EBF2: variants seen among roughly 807,000 people sequenced by gnomAD.
The protein encoded by EBF2 is EBF transcription factor 2.
In EBF2, 21 loss-of-function variants were observed where a neutral mutation model predicts 72.8. The observed-to-expected ratio is 0.29, with a 90% CI of 0.20 to 0.42. The LOEUF (loss-of-function observed/expected upper bound fraction) is 0.42. Among genes scored for constraint, EBF2 ranks in the 10% least tolerant of loss-of-function variants. The pLI is 1.00. For synonymous variants in EBF2, 299 were observed against 274.2 expected (o/e 1.09, Z -0.89); for missense variants, 637 against 731.2 (o/e 0.87, Z 1.49).
In EBF2 at chr8:25,993,379, GT is replaced by G. The variant is rs772965263; in HGVS notation, c.551+39705del. 5.3e-5 allele frequency among the ~76,000 whole-genome samples: 8 copies of G among 152,280 alleles called. No homozygotes were observed. In the East Asian group the frequency reaches 9.6e-4, roughly 18 times the overall value. ...ACCTTCTGCTAACAGCCCCTATGCAGTTTCCCCTGCCTCTTACTACAAGACC... is the reference window on the plus strand; with the variant it reads ...ACCTTCTGCTAACAGCCCCTATGCAGTTCCCCTGCCTCTTACTACAAGACC... On this transcript the variant is annotated intron_variant, in intron 6 of 15. Coordinates refer to ENST00000520164, the MANE Select transcript of EBF2 (RefSeq NM_022659.4).
At chr8:25,854,926 C>G (rs543018340) in intron 14 of EBF2, among the ~76,000 whole-genome samples, 2 of 152,272 alleles carry the variant, frequency 1.3e-5, no homozygotes, top group Non-Finnish European at 2.9e-5. Context: ...GATTCTGTCC[C>G]AAACTCTGCG....
intron 6 of EBF2, among the ~76,000 whole-genome samples, chr8:26,031,002 G>A (rs1805394196): frequency 6.6e-6 from 1 of 152,210 alleles, no homozygotes; most frequent in African/African-American, 2.4e-5. Flanking sequence ...GCAGTGAGAT[G>A]TAGTTCTTTA....
At position 26,004,343 on chromosome 8, in the gene EBF2, A is replaced by C. The variant is rs535839320; in HGVS notation, c.551+28742T>G. Reference sequence around the variant, plus strand: ...GATTTACATTGATGCCCAACTTCCAAATTGTACTCAAAGTGTAATTTACTT... The same window carrying C: ...GATTTACATTGATGCCCAACTTCCACATTGTACTCAAAGTGTAATTTACTT... On this transcript the variant is annotated intron_variant, in intron 6 of 15. Transcript: ENST00000520164. Among the ~76,000 whole-genome samples the C allele has an allele frequency of 4.6e-5, 7 of 152,284 alleles. No individual in the cohort carries two copies. The East Asian group carries it at 1.4e-3, about 29-fold the overall frequency.
At chr8:25,936,846 T>C (rs1227399765) in intron 6 of EBF2, among the ~76,000 whole-genome samples, 1 of 152,212 alleles carries the variant, frequency 6.6e-6, no homozygotes, top group Non-Finnish European at 1.5e-5. Context: ...AAAAGTATCA[T>C]CTTCATCTGT....
intron 15 of EBF2, 103 bp downstream of exon 15, chr8:25,850,491 C>G (rs1801941392): frequency 1.5e-6 from 2 of 1,329,354 alleles, no homozygotes; most frequent in African/African-American, 1.5e-5. Context: ...CAAAGCATCT[C>G]TTTGCAGGTA....
chr8:25,932,872 G>A (rs932485956), intron 6 of EBF2, among the ~76,000 whole-genome samples: 1 of 151,992 alleles, frequency 6.6e-6, no homozygotes, highest in Non-Finnish European at 1.5e-5. Flanking sequence ...AATAACAGCT[G>A]TTATTTGACC....
chr8:25,878,640 C>T (rs1336059782), intron 10 of EBF2, among the ~76,000 whole-genome samples: 15 of 152,314 alleles, frequency 9.8e-5, no homozygotes, highest in African/African-American at 2.2e-4. Flanking sequence ...TCAGTAACCT[C>T]GGGGTGGAAG....
At chr8:25,918,666 A>G (rs1007076485) in intron 6 of EBF2, among the ~76,000 whole-genome samples, 1 of 152,220 alleles carries the variant, frequency 6.6e-6, no homozygotes, top group Non-Finnish European at 1.5e-5. Flanking sequence ...GTGAAAAGGT[A>G]TGTTTGATGT....
intron 6 of EBF2, among the ~76,000 whole-genome samples, chr8:26,029,087 A>G (rs1300554986): frequency 6.6e-6 from 1 of 152,234 alleles, no homozygotes; most frequent in Non-Finnish European, 1.5e-5. Flanking sequence ...TCTGGGGCTA[A>G]GTCTTGAGAA....
At chr8:26,025,356 C>T (rs1270685646) in intron 6 of EBF2, among the ~76,000 whole-genome samples, 3 of 152,038 alleles carry the variant, frequency 2.0e-5, no homozygotes, top group Admixed American at 6.5e-5. Context: ...CTATTGTATT[C>T]GCTGCTGATC....
intron 7 of EBF2, among the ~76,000 whole-genome samples, chr8:25,891,841 G>A (rs1427261698): frequency 6.6e-6 from 1 of 152,126 alleles, no homozygotes; most frequent in Non-Finnish European, 1.5e-5. Context: ...GCCGCCCAAA[G>A]TGCTGGGATT....
At chr8:26,005,477 A>AT (rs1563205964) in intron 6 of EBF2, among the ~76,000 whole-genome samples, 165 of 8,982 alleles carry the variant, frequency 0.018, 4 homozygotes, top group African/African-American at 0.1. Flanking sequence ...ATATAATATT[A>AT]TTTATAAAAT....
intron 6 of EBF2, among the ~76,000 whole-genome samples, chr8:25,948,574 C>T (rs189760918): frequency 1.3e-5 from 2 of 152,172 alleles, no homozygotes; most frequent in East Asian, 1.9e-4. Flanking sequence ...AAAGGAAATG[C>T]GCTTTGCTGT....
Position 25,985,676 on chromosome 8 carries a change from G to A in EBF2, c.551+47409C>T, listed in dbSNP as rs542566684. 8.5e-5 allele frequency among the ~76,000 whole-genome samples: 13 copies of A among 152,234 alleles called. No individual in the cohort carries two copies. The South Asian group carries it at 2.7e-3, about 32-fold the overall frequency. ...AGCCAGGAGAGGAGAAATTGAGGTG[G>A]ACAGGAATTACGGGAATCTTGCTAT... On this transcript the variant is annotated intron_variant, in intron 6 of 15. Coordinates refer to ENST00000520164, the MANE Select transcript of EBF2 (RefSeq NM_022659.4).
chr8:25,964,752 C>T (rs976810059), intron 6 of EBF2, among the ~76,000 whole-genome samples: 1 of 152,206 alleles, frequency 6.6e-6, no homozygotes, highest in African/African-American at 2.4e-5. Context: ...TGAAGGCATG[C>T]ACTTTGGACA....
chr8:25,944,670 T>C (rs939007454), intron 6 of EBF2, among the ~76,000 whole-genome samples: 77 of 147,920 alleles, frequency 5.2e-4, no homozygotes, highest in Middle Eastern at 3.6e-3. Context: ...TAATTACATA[T>C]TGTATATTAT....
chr8:25,863,008 G>T (rs970216070), intron 10 of EBF2, among the ~76,000 whole-genome samples: 9 of 151,516 alleles, frequency 5.9e-5, no homozygotes, highest in Admixed American at 3.9e-4. Flanking sequence ...CAAAATTTCA[G>T]ATTATAATTA....
At chr8:25,890,983 C>T (rs945239146) in intron 7 of EBF2, among the ~76,000 whole-genome samples, 5 of 152,180 alleles carry the variant, frequency 3.3e-5, no homozygotes, top group African/African-American at 1.2e-4. Context: ...CTTGACCAGA[C>T]CATAAGACAG....
intron 10 of EBF2, among the ~76,000 whole-genome samples, chr8:25,868,558 G>T (rs181931752): frequency 1.2e-3 from 180 of 152,288 alleles, no homozygotes; most frequent in African/African-American, 4.1e-3. Flanking sequence ...ACAGCTCACT[G>T]CAACCTCCAC....
Sources: gnomAD v4.1 joint callset for allele counts (sites outside exome capture counted in the v4.1 genomes callset) on GRCh38, gnomAD v4.1.1 for gene constraint, MANE v1.5 for transcripts, NCBI Gene and HGNC (gene_info 2026-07-23, HGNC 2026-07-21) for gene names.